Variants in GRB14 observed in about 807,000 individuals in gnomAD.
GRB14 encodes growth factor receptor-bound protein 14.
In GRB14, 38 loss-of-function variants were observed where a neutral mutation model predicts 69.1. The observed-to-expected ratio is 0.55, with a 90% CI of 0.42 to 0.72. The LOEUF (loss-of-function observed/expected upper bound fraction) is 0.72, where lower values mean the gene tolerates loss of function less well. Among genes scored for constraint, GRB14 ranks in the 30% least tolerant of loss-of-function variants. GRB14 has a pLI of 0.00. For missense variants in GRB14, 666 were observed against 666.1 expected, an observed-to-expected ratio of 1.00 and a Z score of 0.00; for synonymous variants, 247 against 241.3, an observed-to-expected ratio of 1.02 and a Z score of -0.22.
intron 8 of GRB14, among the ~76,000 whole-genome samples, chr2:164,503,169 T>TAAAAAAAAAAAAAA (rs3086552): frequency 7.9e-6 from 1 of 126,604 alleles, no homozygotes; most frequent in Non-Finnish European, 1.7e-5. Context: ...GCTACTTTGT[T>TAAAAAAAAAAAAAA]AAAAAAAAAA....
intron 2 of GRB14, among the ~76,000 whole-genome samples, chr2:164,598,931 T>C (rs1689850510): frequency 6.6e-6 from 1 of 151,908 alleles, no homozygotes; most frequent in African/African-American, 2.4e-5. Context: ...AACAGTGTCT[T>C]AAAACAATAA....
intron 2 of GRB14, among the ~76,000 whole-genome samples, chr2:164,588,949 T>C (rs544757019): frequency 3.3e-5 from 5 of 152,312 alleles, no homozygotes; most frequent in Admixed American, 2.0e-4. Context: ...TTATTAAAAT[T>C]CCCAATTCGG....
chr2:164,590,079 T>A (rs952773766), intron 2 of GRB14, among the ~76,000 whole-genome samples: 2 of 152,234 alleles, frequency 1.3e-5, no homozygotes, highest in African/African-American at 4.8e-5. Context: ...TCACATAGGG[T>A]AATTTCCACA....
chr2:164,560,890 C>T (rs1417932806), intron 2 of GRB14, among the ~76,000 whole-genome samples: 1 of 152,134 alleles, frequency 6.6e-6, no homozygotes, highest in Non-Finnish European at 1.5e-5. Flanking sequence ...TAATAGCAAG[C>T]ATTATTAATA....
rs1558889097 is a variant in GRB14 at position 164,621,035 on chromosome 2, T to A, written c.191+84A>T. 2.6e-6 allele frequency: 3 copies of A among 1,153,100 alleles called. No homozygotes were observed. In the South Asian group the frequency reaches 1.3e-4, roughly 52 times the overall value. 71.4% of individuals were successfully genotyped at this position (1,153,100 alleles called of 1,614,324 possible). A position where few individuals can be genotyped will look rare whatever the true frequency, so the allele number is the denominator to read the frequency against. ...CAAACTTGGCCCAGCTCTGGGCACA[T>A]GGCTCACCCCCTAGGACCGCCTCCT... is the stretch of plus-strand genomic sequence containing the variant. On this transcript the variant is annotated intron_variant, in intron 1 of 13. Coordinates refer to ENST00000263915, the MANE Select transcript of GRB14 (RefSeq NM_004490.3). The surrounding 1 kb of genome is among the most constrained non-coding windows in gnomAD (Gnocchi z 6.0).
intron 2 of GRB14, among the ~76,000 whole-genome samples, chr2:164,591,443 T>C (rs1175156129): frequency 6.6e-6 from 1 of 152,148 alleles, no homozygotes; most frequent in Non-Finnish European, 1.5e-5. Flanking sequence ...TAATAGACCC[T>C]CAGGCCCAGG....
At chr2:164,607,602 G>A (rs1690071164) in intron 2 of GRB14, among the ~76,000 whole-genome samples, 1 of 152,146 alleles carries the variant, frequency 6.6e-6, no homozygotes, top group South Asian at 2.1e-4. Context: ...CTGTTAACCA[G>A]CAAATCAGTT....
intron 6 of GRB14, among the ~76,000 whole-genome samples, chr2:164,513,084 C>T (rs1327249346): frequency 1.3e-5 from 2 of 151,884 alleles, no homozygotes; most frequent in Non-Finnish European, 2.9e-5. Flanking sequence ...TCTTGTGGCC[C>T]CTCTCTCTCT....
intron 6 of GRB14, among the ~76,000 whole-genome samples, chr2:164,516,811 G>T (rs1436921816): frequency 6.6e-6 from 1 of 152,078 alleles, no homozygotes; most frequent in Admixed American, 6.6e-5. Flanking sequence ...ATCACTTGAG[G>T]GCAGAATTTC....
At chr2:164,508,153 T>C (rs1426414223) in intron 8 of GRB14, among the ~76,000 whole-genome samples, 1 of 152,190 alleles carries the variant, frequency 6.6e-6, no homozygotes, top group Admixed American at 6.5e-5. Flanking sequence ...GACTTAGTCA[T>C]GTATAGGAGA....
intron 2 of GRB14, among the ~76,000 whole-genome samples, chr2:164,596,575 T>C (rs542863678): frequency 1.3e-4 from 20 of 152,222 alleles, no homozygotes; most frequent in Non-Finnish European, 2.5e-4. Context: ...CATAGCTGTG[T>C]TTTCCCTCTT....
At chr2:164,548,504 T>C in intron 2 of GRB14, among the ~76,000 whole-genome samples, 1 of 152,206 alleles carries the variant, frequency 6.6e-6, no homozygotes, top group Middle Eastern at 3.2e-3. Flanking sequence ...TTGTAAATAA[T>C]GCTGCAATGA....
In GRB14 at chr2:164,621,025, T is replaced by A; in HGVS notation, c.191+94A>T. 9.2e-7 allele frequency: 1 copy of A among 1,089,388 alleles called. No homozygotes were observed. The highest frequency in any genetic ancestry group is 1.2e-6 in the Non-Finnish European group (1 of 850,532). The allele number at this position is 1,089,388 out of a possible 1,614,324, so 67.5% of individuals were successfully genotyped here. A position where few individuals can be genotyped will look rare whatever the true frequency, so the allele number is the denominator to read the frequency against. On this transcript the variant is annotated intron_variant, in intron 1 of 13. Transcript: ENST00000263915. The surrounding 1 kb of genome is among the most constrained non-coding windows in gnomAD (Gnocchi z 6.0). ...GAGACTTTTACAAACTTGGCCCAGC[T>A]CTGGGCACATGGCTCACCCCCTAGG...
chr2:164,496,695 A>T (rs1157826483), intron 12 of GRB14, among the ~76,000 whole-genome samples: 1 of 152,196 alleles, frequency 6.6e-6, no homozygotes, highest in African/African-American at 2.4e-5. Context: ...AAAGAAGTTC[A>T]TTTTCCCCCA....
chr2:164,545,964 A>G (rs1390427649), intron 3 of GRB14, among the ~76,000 whole-genome samples: 1 of 152,210 alleles, frequency 6.6e-6, no homozygotes, highest in Non-Finnish European at 1.5e-5. Flanking sequence ...AATGTGAAGG[A>G]CTTACTTATT....
chr2:164,519,080 A>G (rs948560409), intron 6 of GRB14, among the ~76,000 whole-genome samples: 2 of 152,096 alleles, frequency 1.3e-5, no homozygotes, highest in African/African-American at 4.8e-5. Context: ...GAAGAAAACT[A>G]CAGACCAATA....
At chr2:164,607,867 A>G (rs1235904637) in intron 2 of GRB14, among the ~76,000 whole-genome samples, 1 of 152,206 alleles carries the variant, frequency 6.6e-6, no homozygotes, top group African/African-American at 2.4e-5. Flanking sequence ...AGGCTTCTGC[A>G]TGATTGCTTT....
intron 3 of GRB14, among the ~76,000 whole-genome samples, chr2:164,535,043 A>G (rs1688045783): frequency 6.6e-6 from 1 of 152,180 alleles, no homozygotes; most frequent in African/African-American, 2.4e-5. Flanking sequence ...ATATGTAGGT[A>G]GAAAAATAGG....
At chr2:164,593,111 T>G (rs1689706102) in intron 2 of GRB14, among the ~76,000 whole-genome samples, 1 of 152,184 alleles carries the variant, frequency 6.6e-6, no homozygotes, top group African/African-American at 2.4e-5. Context: ...AGAATATGCT[T>G]ATAATAAACC....
Sources: allele counts gnomAD v4.1 joint callset (sites outside exome capture counted in the v4.1 genomes callset), GRCh38; gene constraint gnomAD v4.1.1; non-coding constraint Gnocchi (gnomAD v3.1); transcripts MANE v1.5; gene names NCBI Gene and HGNC (gene_info 2026-07-23, HGNC 2026-07-21).